The following GPC5 variants were observed in gnomAD, a reference collection of about 807,000 sequenced individuals.
GPC5 encodes glypican-5.
In GPC5, 47 loss-of-function variants were observed where a neutral mutation model predicts 53.9. That is an observed-to-expected ratio of 0.87 (90% confidence interval 0.69 to 1.11). The LOEUF (loss-of-function observed/expected upper bound fraction) is 1.11, where lower values mean the gene tolerates loss of function less well. Among genes scored for constraint, GPC5 ranks in the 50% most tolerant of loss-of-function variants. GPC5 has a pLI of 0.00. For missense variants in GPC5, 748 were observed against 713.1 expected, an observed-to-expected ratio of 1.05 and a Z score of -0.56; for synonymous variants, 286 against 263.3, an observed-to-expected ratio of 1.09 and a Z score of -0.84.
chr13:92,232,842 T>G (rs1229152086), intron 7 of GPC5, among the ~76,000 whole-genome samples: 2 of 152,192 alleles, frequency 1.3e-5, no homozygotes, highest in African/African-American at 4.8e-5. Flanking sequence ...AAACTATAAT[T>G]GTAGCAGTTA....
At chr13:92,007,757 C>G (rs1456949479) in intron 6 of GPC5, among the ~76,000 whole-genome samples, 2 of 152,094 alleles carry the variant, frequency 1.3e-5, no homozygotes, top group African/African-American at 2.4e-5. Context: ...CTAATCTGTT[C>G]TAGCTTGTTC....
intron 7 of GPC5, among the ~76,000 whole-genome samples, chr13:92,858,740 T>C (rs1358373202): frequency 2.6e-5 from 4 of 151,954 alleles, no homozygotes. Context: ...TCACCAGAAG[T>C]CCAAGCCTCA....
At chr13:92,542,839 A>G (rs1198431976) in intron 7 of GPC5, among the ~76,000 whole-genome samples, 1 of 152,046 alleles carries the variant, frequency 6.6e-6, no homozygotes, top group Non-Finnish European at 1.5e-5. Context: ...GTTTTCTGCT[A>G]AGGAATCTGC....
At chr13:92,791,234 C>T (rs892659955) in intron 7 of GPC5, among the ~76,000 whole-genome samples, 2 of 151,974 alleles carry the variant, frequency 1.3e-5, no homozygotes, top group Admixed American at 6.6e-5. Context: ...TATTGCTGCA[C>T]AATTTTAAGA....
intron 7 of GPC5, among the ~76,000 whole-genome samples, chr13:92,421,698 C>CAAAAAAAAAAAAAAAAAAA (rs34055682): frequency 2.0e-4 from 14 of 69,488 alleles, no homozygotes; most frequent in African/African-American, 7.5e-4. Flanking sequence ...GACTCCGTCT[C>CAAAAAAAAAAAAAAAAAAA]AAAAAAAAAA....
chr13:92,167,288 C>T lies in GPC5; in HGVS notation c.1561+22299C>T, dbSNP rs539035754. ...AATATTTACAACGCTTAAGTATTCACCATTTTCAGGGCATTGATGTATAGT... is the reference window on the plus strand; with the variant it reads ...AATATTTACAACGCTTAAGTATTCATCATTTTCAGGGCATTGATGTATAGT... On this transcript the variant is annotated intron_variant, in intron 7 of 7. Transcript: ENST00000377067. 3.3e-5 allele frequency among the ~76,000 whole-genome samples: 5 copies of T among 152,152 alleles called. No homozygotes were observed. The South Asian group carries it at 1.0e-3, about 32-fold the overall frequency.
chr13:91,661,992 C>T (rs567960983), intron 2 of GPC5, among the ~76,000 whole-genome samples: 2 of 152,252 alleles, frequency 1.3e-5, no homozygotes, highest in South Asian at 4.1e-4. Context: ...ACAGTCTAGA[C>T]ATGTCTAGAG....
Position 91,488,007 on chromosome 13 carries a change from T to C in GPC5, c.325+39085T>C, listed in dbSNP as rs566090942. On this transcript the variant is annotated intron_variant, in intron 2 of 7. Coordinates refer to ENST00000377067, the MANE Select transcript of GPC5 (RefSeq NM_004466.6). ...TAAAAAATGAACAAGATAGCATACT[T>C]GGAGAAAATGCATTATATGCACATT... Among the ~76,000 whole-genome samples, 3 of 152,220 alleles carry C rather than the reference T, an allele frequency of 2.0e-5. No homozygotes were observed. The South Asian group carries it at 6.2e-4, about 32-fold the overall frequency.
chr13:92,454,134 A>C (rs907950113), intron 7 of GPC5, among the ~76,000 whole-genome samples: 1 of 152,188 alleles, frequency 6.6e-6, no homozygotes, highest in Non-Finnish European at 1.5e-5. Context: ...GCATAGAACA[A>C]AACAAAACAA....
intron 2 of GPC5, among the ~76,000 whole-genome samples, chr13:91,631,499 A>G (rs2034157194): frequency 6.6e-6 from 1 of 152,148 alleles, no homozygotes; most frequent in Non-Finnish European, 1.5e-5. Flanking sequence ...ACATCAAAAA[A>G]TAAGTGTTTT....
intron 7 of GPC5, among the ~76,000 whole-genome samples, chr13:92,310,749 C>G (rs749482334): frequency 6.6e-6 from 1 of 152,120 alleles, no homozygotes; most frequent in Admixed American, 6.6e-5. Context: ...CTGCCTTTTT[C>G]TAGGCATCTA....
At position 92,389,095 on chromosome 13, in the gene GPC5, A is replaced by G. The variant is rs371734204; in HGVS notation, c.1561+244106A>G. Among the ~76,000 whole-genome samples the G allele has an allele frequency of 3.7e-4, 56 of 152,218 alleles. No homozygotes were observed. In the East Asian group the frequency reaches 8.5e-3, roughly 23 times the overall value. On this transcript the variant is annotated intron_variant, in intron 7 of 7. Coordinates refer to ENST00000377067, the MANE Select transcript of GPC5 (RefSeq NM_004466.6). The stretch of plus-strand genomic sequence containing the variant: ...TACACATAGTCGGCAAATAATGACA[A>G]ATAACACTGATATTGATTTAATGGT...
rs144499224 is a variant in GPC5, at chr13:91,484,896, C to T, written c.325+35974C>T. On this transcript the variant is annotated intron_variant, in intron 2 of 7. Coordinates refer to ENST00000377067, the MANE Select transcript of GPC5 (RefSeq NM_004466.6). Reference sequence around the variant, plus strand: ...AGTGGCATAATGTGTACTTTTCCTGCGCTGCAGAAACTCTTTTGAGAAAGT... The same window carrying T: ...AGTGGCATAATGTGTACTTTTCCTGTGCTGCAGAAACTCTTTTGAGAAAGT... 7.7e-4 allele frequency among the ~76,000 whole-genome samples: 117 copies of T among 152,312 alleles called. 1 individual carries two copies. Among genetic ancestry groups the T allele is most frequent in the African/African-American group, 2.6e-3 (106 of 41,568 alleles).
Position 92,814,329 on chromosome 13 carries a change from A to G in GPC5, c.1562-51953A>G, listed in dbSNP as rs148455172. 8.4e-4 allele frequency among the ~76,000 whole-genome samples: 128 copies of G among 152,006 alleles called. 2 individuals carry two copies. Among genetic ancestry groups the G allele is most frequent in the African/African-American group, 2.9e-3 (122 of 41,356 alleles). ...GGCAAAGACTTCTTAGATATGGAAA[A>G]CAATAAACAAACACCAAAACAGACA... On this transcript the variant is annotated intron_variant, in intron 7 of 7. Coordinates refer to ENST00000377067, the MANE Select transcript of GPC5 (RefSeq NM_004466.6).
chr13:92,041,112 A>G (rs1157793059), intron 6 of GPC5, among the ~76,000 whole-genome samples: 1 of 152,054 alleles, frequency 6.6e-6, no homozygotes, highest in African/African-American at 2.4e-5. Context: ...TCGGCCTCCC[A>G]AAGTGCTGAG....
chr13:91,417,717 C>CATA (rs138672059), intron 1 of GPC5, among the ~76,000 whole-genome samples: 6,576 of 152,182 alleles, frequency 0.043, 186 homozygotes, highest in South Asian at 0.13. Flanking sequence ...GTTAGGAGTC[C>CATA]ATAACGAAAG....
chr13:92,170,420 C>CTTTTTTTTTTTTTTTTTTTTTT (rs61418155), intron 7 of GPC5, among the ~76,000 whole-genome samples: 23 of 75,262 alleles, frequency 3.1e-4, no homozygotes, highest in South Asian at 1.1e-3. Flanking sequence ...CTTTTCTTTG[C>CTTTTTTTTTTTTTTTTTTTTTT]TTTTTTTTTT....
At chr13:92,078,496 T>C (rs9556148) in intron 6 of GPC5, among the ~76,000 whole-genome samples, 56,445 of 152,030 alleles carry the variant, frequency 0.37, 11,335 homozygotes, top group Admixed American at 0.47. Flanking sequence ...ATGCTTGACA[T>C]AGAATAAATG....
chr13:91,520,969 G>C (rs1885780195), intron 2 of GPC5, among the ~76,000 whole-genome samples: 1 of 151,688 alleles, frequency 6.6e-6, no homozygotes, highest in Non-Finnish European at 1.5e-5. Flanking sequence ...ATTGCCTTTG[G>C]TAATCTAATT....
Sources: gnomAD v4.1 joint callset for allele counts (sites outside exome capture counted in the v4.1 genomes callset) on GRCh38, gnomAD v4.1.1 for gene constraint, MANE v1.5 for transcripts, NCBI Gene and HGNC (gene_info 2026-07-23, HGNC 2026-07-21) for gene names.